The following DIAPH2 variants were observed in gnomAD, a reference collection of about 807,000 sequenced individuals.
The protein encoded by DIAPH2 is diaphanous related formin 2.
A neutral mutation model predicts 92.7 loss-of-function variants in DIAPH2; 35 were observed. The ratio of observed to expected loss-of-function variants is 0.38; its 90% CI spans 0.29 to 0.50. The LOEUF (loss-of-function observed/expected upper bound fraction) is 0.50. Ranked by LOEUF, DIAPH2 falls within the 20% of genes least tolerant of loss-of-function variation. The pLI, the probability that DIAPH2 is intolerant of heterozygous loss-of-function variation, is 0.94. For missense variants in DIAPH2, 701 were observed against 819.5 expected, an observed-to-expected ratio of 0.86 and a Z score of 1.77; for synonymous variants, 301 against 280.4, an observed-to-expected ratio of 1.07 and a Z score of -0.73.
chrX:97,353,368 G>A (rs1055303103), intron 24 of DIAPH2, among the ~76,000 whole-genome samples: 1 of 110,725 alleles, frequency 9.0e-6, no homozygotes. Flanking sequence ...TTCAGCTGTT[G>A]GGAAAGTGTT....
At chrX:97,298,705 C>T (rs910647630) in intron 23 of DIAPH2, among the ~76,000 whole-genome samples, 10 of 107,162 alleles carry the variant, frequency 9.3e-5, no homozygotes, top group Admixed American at 5.0e-4. Flanking sequence ...AGCTCCGCCT[C>T]CCGGGTTCAC....
At chrX:96,798,870 C>G (rs2064560135) in intron 4 of DIAPH2, among the ~76,000 whole-genome samples, 1 of 111,164 alleles carries the variant, frequency 9.0e-6, no homozygotes, top group Non-Finnish European at 1.9e-5. Context: ...TCAATGAAGT[C>G]TCTCCCCTCT....
chrX:97,129,828 A>G (rs762924569), intron 21 of DIAPH2, among the ~76,000 whole-genome samples: 12 of 111,549 alleles, frequency 1.1e-4, no homozygotes, highest in African/African-American at 3.9e-4. Context: ...AAGGCAACCC[A>G]CAGAATGGGA....
intron 23 of DIAPH2, among the ~76,000 whole-genome samples, chrX:97,347,881 C>G (rs2069173169): frequency 9.0e-6 from 1 of 111,123 alleles, no homozygotes; most frequent in Admixed American, 9.6e-5. Context: ...GAAACTAAAC[C>G]CACCAGACCC....
chrX:97,460,238 C>T (rs930896107), intron 26 of DIAPH2, among the ~76,000 whole-genome samples: 1 of 111,975 alleles, frequency 8.9e-6, no homozygotes, highest in South Asian at 3.7e-4. Flanking sequence ...CGAGGCTCCA[C>T]CTTAGTGGGC....
intron 23 of DIAPH2, among the ~76,000 whole-genome samples, chrX:97,306,067 G>T (rs759932510): frequency 2.8e-5 from 3 of 108,035 alleles, no homozygotes; most frequent in African/African-American, 6.7e-5. Context: ...AAAACCTTCC[G>T]TACATCTGGT....
intron 22 of DIAPH2, among the ~76,000 whole-genome samples, chrX:97,161,106 G>A (rs1234930961): frequency 9.7e-6 from 1 of 102,732 alleles, no homozygotes; most frequent in East Asian, 3.0e-4. Flanking sequence ...TGCAGCCGGG[G>A]ACTCTCTGTA....
intron 1 of DIAPH2, among the ~76,000 whole-genome samples, chrX:96,713,976 T>A (rs776348599): frequency 4.5e-5 from 5 of 111,941 alleles, no homozygotes; most frequent in African/African-American, 1.6e-4. Flanking sequence ...TGGACATAAG[T>A]TTTAACTCAT....
At chrX:96,980,072 G>A (rs1233635301) in intron 17 of DIAPH2, among the ~76,000 whole-genome samples, 2 of 111,377 alleles carry the variant, frequency 1.8e-5, no homozygotes, top group African/African-American at 6.5e-5. Context: ...TACAGGCAAA[G>A]CGCTTATAGC....
At chrX:97,349,212 C>T (rs1415754326) in intron 24 of DIAPH2, among the ~76,000 whole-genome samples, 1 of 107,863 alleles carries the variant, frequency 9.3e-6, no homozygotes, top group Non-Finnish European at 1.9e-5. Flanking sequence ...CCTCAGCCTC[C>T]CGAGTAGCTG....
chrX:97,025,941 G>C (rs2066332028), intron 17 of DIAPH2, among the ~76,000 whole-genome samples: 2 of 111,698 alleles, frequency 1.8e-5, no homozygotes, highest in Admixed American at 9.5e-5. Flanking sequence ...GGATCCAGTA[G>C]AGACTTAGGT....
intron 17 of DIAPH2, among the ~76,000 whole-genome samples, chrX:96,986,026 T>G (rs2066029735): frequency 9.0e-6 from 1 of 111,587 alleles, no homozygotes; most frequent in South Asian, 3.7e-4. Context: ...TAAAAGGTCT[T>G]GAAAAAATAT....
chrX:96,902,689 A>G (rs963588170), intron 5 of DIAPH2, among the ~76,000 whole-genome samples: 3 of 111,757 alleles, frequency 2.7e-5, no homozygotes, highest in Admixed American at 1.9e-4. Context: ...TATAAATTTA[A>G]AAAAACACAT....
intron 23 of DIAPH2, among the ~76,000 whole-genome samples, chrX:97,318,482 C>CTTTTTTTTTTTTTTTT (rs745350367): frequency 2.2e-5 from 1 of 46,326 alleles, no homozygotes; most frequent in Non-Finnish European, 4.0e-5. Context: ...TTTTTCTTTA[C>CTTTTTTTTTTTTTTTT]TTTTTTTTTT....
intron 26 of DIAPH2, among the ~76,000 whole-genome samples, chrX:97,517,723 A>T (rs1197190079): frequency 8.9e-6 from 1 of 112,486 alleles, no homozygotes; most frequent in Admixed American, 9.4e-5. Context: ...AGCTTTTATG[A>T]TTTTAAAAAA....
At chrX:97,481,911 C>T (rs1297096034) in intron 26 of DIAPH2, among the ~76,000 whole-genome samples, 1 of 111,994 alleles carries the variant, frequency 8.9e-6, no homozygotes, top group East Asian at 2.8e-4. Context: ...TTCTAAGACT[C>T]TGGTACAGAA....
chrX:97,390,590 T>G (rs1379592829), intron 25 of DIAPH2, among the ~76,000 whole-genome samples: 2 of 110,887 alleles, frequency 1.8e-5, no homozygotes, highest in African/African-American at 6.6e-5. Flanking sequence ...TGGAGTGCAG[T>G]GATGCAATCT....
chrX:96,814,563 C>G, intron 4 of DIAPH2, among the ~76,000 whole-genome samples: 1 of 112,046 alleles, frequency 8.9e-6, no homozygotes, highest in African/African-American at 3.2e-5. Context: ...CAGTTTTGTT[C>G]CGTTGCTGTC....
intron 22 of DIAPH2, among the ~76,000 whole-genome samples, chrX:97,210,206 A>G (rs1274869981): frequency 1.8e-5 from 2 of 111,729 alleles, no homozygotes; most frequent in African/African-American, 6.5e-5. Context: ...ATATTATTTG[A>G]CCTCTTTTAC....
Sources: gnomAD v4.1 joint callset for allele counts (sites outside exome capture counted in the v4.1 genomes callset) on GRCh38, gnomAD v4.1.1 for gene constraint, MANE v1.5 for transcripts, NCBI Gene and HGNC (gene_info 2026-07-23, HGNC 2026-07-21) for gene names.